The following FOXP4 variants were observed in gnomAD, a reference collection of about 807,000 sequenced individuals.
FOXP4 encodes forkhead box P4, also known as forkhead box protein P4.
Under a neutral mutation model 82.6 loss-of-function variants are expected in FOXP4, and 25 were observed. That is an observed-to-expected ratio of 0.30 (90% CI 0.22 to 0.42). The LOEUF (loss-of-function observed/expected upper bound fraction) is 0.42, where lower values mean the gene tolerates loss of function less well. Ranked by LOEUF, FOXP4 falls within the 10% of genes least tolerant of loss-of-function variation. FOXP4 has a pLI of 1.00. For synonymous variants in FOXP4, 415 were observed against 388.2 expected (o/e 1.07, Z -0.81); for missense variants, 785 against 900.9 (o/e 0.87, Z 1.65).
chr6:41,588,287 G>A (rs1290856105), intron 8 of FOXP4, among the ~76,000 whole-genome samples: 1 of 152,142 alleles, frequency 6.6e-6, no homozygotes, highest in East Asian at 1.9e-4. Flanking sequence ...GCAGCAGGCG[G>A]CCAGCTGCCA....
intron 2 of FOXP4, among the ~76,000 whole-genome samples, chr6:41,574,302 A>G (rs984903908): frequency 5.3e-5 from 8 of 152,220 alleles, no homozygotes; most frequent in Non-Finnish European, 8.8e-5. Flanking sequence ...AGCCCTGAGC[A>G]GTCAGAGGTG....
rs1334527676 is a variant in FOXP4 at position 41,600,539 on chromosome 6, AGGG to A, written c.*1606_*1608del. On this transcript the variant is annotated 3_prime_UTR_variant, in exon 17 of 17. Coordinates refer to ENST00000307972, the MANE Select transcript of FOXP4 (RefSeq NM_001012426.2). The stretch of plus-strand genomic sequence containing the variant: ...TCACAAGCCACCCCTCCTGAGAGGC[AGGG>A]GGCCCTCCGCCCCCTCCCCATGTAT... 3 of 152,378 alleles carry A rather than the reference AGGG, an allele frequency of 2.0e-5. No individual in the cohort carries two copies. Among genetic ancestry groups the A allele is most frequent in the African/African-American group, 4.8e-5 (2 of 41,410 alleles). 9.4% of individuals were successfully genotyped at this position (152,378 alleles called of 1,614,324 possible).
intron 2 of FOXP4, among the ~76,000 whole-genome samples, chr6:41,571,828 C>T (rs897726475): frequency 6.6e-6 from 1 of 152,120 alleles, no homozygotes; most frequent in African/African-American, 2.4e-5. Context: ...TTCCTCCCCC[C>T]AGGTCAGTTC....
intron 12 of FOXP4, among the ~76,000 whole-genome samples, chr6:41,590,693 T>A (rs547949498): frequency 4.8e-4 from 73 of 152,298 alleles, no homozygotes; most frequent in Non-Finnish European, 7.9e-4. Context: ...GCCCATGATC[T>A]TCATGTCACC....
chr6:41,572,857 T>G lies in FOXP4; in HGVS notation c.205-5129T>G, dbSNP rs149286035. 2.4e-3 allele frequency among the ~76,000 whole-genome samples: 370 copies of G among 152,306 alleles called. 1 individual carries two copies. Among genetic ancestry groups the G allele is most frequent in the African/African-American group, 8.6e-3 (356 of 41,572 alleles). On this transcript the variant is annotated intron_variant, in intron 2 of 16. Transcript: ENST00000307972. ...AGGTCTGGTACATTCAGGTTCTGCTTTTGCCACTGTGTCCCGTTGGGCAAA... is the reference window on the plus strand; with the variant it reads ...AGGTCTGGTACATTCAGGTTCTGCTGTTGCCACTGTGTCCCGTTGGGCAAA...
chr6:41,581,976 C>T (rs1002758585), intron 3 of FOXP4, among the ~76,000 whole-genome samples: 2 of 152,200 alleles, frequency 1.3e-5, no homozygotes, highest in African/African-American at 2.4e-5. Context: ...TTTCCTGTTG[C>T]GGGCCACGTT....
intron 3 of FOXP4, among the ~76,000 whole-genome samples, chr6:41,578,909 G>A (rs1765648309): frequency 6.6e-6 from 1 of 152,106 alleles, no homozygotes; most frequent in Admixed American, 6.5e-5. Context: ...AAGGGATTAA[G>A]CCAGGCTTTG....
At position 41,591,443 on chromosome 6, in the gene FOXP4, C is replaced by A; in HGVS notation, c.1536+121C>A. The A allele has an allele frequency of 1.2e-6, 1 of 848,798 alleles. No individual in the cohort carries two copies. Among genetic ancestry groups the A allele is most frequent in the Non-Finnish European group, 1.9e-6 (1 of 529,148 alleles). 52.6% of individuals were successfully genotyped at this position (848,798 alleles called of 1,614,324 possible). A position where few individuals can be genotyped will look rare whatever the true frequency, so the allele number is the denominator to read the frequency against. On this transcript the variant is annotated intron_variant, in intron 13 of 16. Coordinates refer to ENST00000307972, the MANE Select transcript of FOXP4 (RefSeq NM_001012426.2). This position sits in a 1 kb window ranked among gnomAD's most constrained non-coding sequence, Gnocchi z 4.2. ...CCATTAGTCCTGCAGAAACAGCCAC[C>A]CAAGGGCCCAGCCAGGGCTGCATGC... is the stretch of plus-strand genomic sequence containing the variant.
rs1244475828 is a variant in FOXP4, at chr6:41,594,861, C to T, written c.1537-9C>T. ...GCCGCCTCTGAGCTCCTCTTCACTG[C>T]ACCCACAGAACGCCGTGCGCCACAA... On this transcript the variant is annotated splice_polypyrimidine_tract_variant and intron_variant, in intron 13 of 16. Coordinates refer to ENST00000307972, the MANE Select transcript of FOXP4 (RefSeq NM_001012426.2). The T allele has an allele frequency of 1.2e-6, 2 of 1,613,782 alleles. No homozygotes were observed. Among genetic ancestry groups the T allele is most frequent in the Non-Finnish European group, 1.7e-6 (2 of 1,180,026 alleles).
At chr6:41,552,363 CAG>C (rs1038179890) in intron 1 of FOXP4, among the ~76,000 whole-genome samples, 13 of 152,092 alleles carry the variant, frequency 8.5e-5, no homozygotes, top group Non-Finnish European at 1.3e-4. Flanking sequence ...TGTAAGCACT[CAG>C]GGAGCAAAGC....
intron 1 of FOXP4, among the ~76,000 whole-genome samples, chr6:41,552,496 T>G (rs1304611568): frequency 1.3e-5 from 2 of 152,150 alleles, no homozygotes; most frequent in Admixed American, 6.5e-5. Context: ...CTCTGAGCTT[T>G]CTTTCCCAGA....
At chr6:41,598,547 T>TTCGCTCATCTCCCCTCTGC (rs1767016618) in intron 16 of FOXP4, among the ~76,000 whole-genome samples, 1 of 152,116 alleles carries the variant, frequency 6.6e-6, no homozygotes, top group Non-Finnish European at 1.5e-5. Context: ...CCTTCCTCCG[T>TTCGCTCATCTCCCCTCTGC]TCGCTCATCT....
intron 13 of FOXP4, among the ~76,000 whole-genome samples, chr6:41,594,563 A>G (rs995968296): frequency 6.6e-6 from 1 of 152,214 alleles, no homozygotes; most frequent in Non-Finnish European, 1.5e-5. Flanking sequence ...GATGAAACAG[A>G]TTATTACTAA....
chr6:41,556,794 G>A (rs928387330), intron 1 of FOXP4, among the ~76,000 whole-genome samples: 2 of 152,204 alleles, frequency 1.3e-5, no homozygotes, highest in Non-Finnish European at 2.9e-5. Flanking sequence ...AAAGCTGTGT[G>A]TGTTGTGTAA....
At chr6:41,570,115 CA>C in intron 2 of FOXP4, 1 of 353,958 alleles carries the variant, frequency 2.8e-6, no homozygotes, top group South Asian at 2.2e-5. Context: ...CACACACACA[CA>C]CGCAGTCAAC....
At chr6:41,556,453 A>G (rs1440803057) in intron 1 of FOXP4, among the ~76,000 whole-genome samples, 1 of 151,330 alleles carries the variant, frequency 6.6e-6, no homozygotes, top group Non-Finnish European at 1.5e-5. Context: ...TCTCCTGAGT[A>G]GCTGGGACTT....
chr6:41,565,625 TGAG>T (rs375059192), intron 1 of FOXP4, 117 bp from the exon 2 acceptor site: 57 of 891,916 alleles, frequency 6.4e-5, no homozygotes, highest in Non-Finnish European at 7.8e-5. Context: ...TCTGGGAAGT[TGAG>T]GAGAAGTAGA....
At chr6:41,565,132 C>T (rs757302242) in intron 1 of FOXP4, among the ~76,000 whole-genome samples, 2 of 152,112 alleles carry the variant, frequency 1.3e-5, no homozygotes, top group Non-Finnish European at 2.9e-5. Context: ...GCAGGCAGAT[C>T]ACCTGAGGTC....
At chr6:41,577,363 A>T (rs1765546380) in intron 2 of FOXP4, among the ~76,000 whole-genome samples, 1 of 152,134 alleles carries the variant, frequency 6.6e-6, no homozygotes, top group Non-Finnish European at 1.5e-5. Flanking sequence ...CTCTTCCCTC[A>T]TCCTCCCAAC....
Sources: allele counts gnomAD v4.1 joint callset (sites outside exome capture counted in the v4.1 genomes callset), GRCh38; gene constraint gnomAD v4.1.1; non-coding constraint Gnocchi (gnomAD v3.1); transcripts MANE v1.5; gene names NCBI Gene and HGNC (gene_info 2026-07-23, HGNC 2026-07-21).